Variants in FBXL17 observed in about 807,000 individuals in gnomAD.
The protein encoded by FBXL17 is F-box and leucine rich repeat protein 17, also known as F-box/LRR-repeat protein 17.
FBXL17 carries 22 observed loss-of-function variants against 66.2 expected under a neutral mutation model. The observed-to-expected ratio is 0.33, with a 90% CI of 0.24 to 0.47. The LOEUF is 0.47. Among genes scored for constraint, FBXL17 ranks in the 20% least tolerant of loss-of-function variants. The probability of loss-of-function intolerance (pLI) is 1.00; values close to 1 mark genes in which losing one functional copy is unlikely to be tolerated. For synonymous variants in FBXL17, 474 were observed against 400.5 expected (o/e 1.18, Z -2.19); for missense variants, 878 against 948.2 (o/e 0.93, Z 0.97).
At chr5:108,379,713 G>A (rs2112662769) in intron 1 of FBXL17, among the ~76,000 whole-genome samples, 1 of 152,266 alleles carries the variant, frequency 6.6e-6, no homozygotes, top group South Asian at 2.1e-4. Context: ...TCCAAATAGG[G>A]TAGGGTGGGA....
intron 4 of FBXL17, among the ~76,000 whole-genome samples, chr5:108,318,279 T>G (rs1180451745): frequency 6.6e-6 from 1 of 151,758 alleles, no homozygotes; most frequent in Non-Finnish European, 1.5e-5. Context: ...CCTTATGCAT[T>G]TGTTTTTTAC....
chr5:108,258,773 G>A (rs886579690), intron 4 of FBXL17, among the ~76,000 whole-genome samples: 3 of 144,484 alleles, frequency 2.1e-5, no homozygotes, highest in Middle Eastern at 3.4e-3. Flanking sequence ...AACACTCTAG[G>A]ATCTTACAAT....
intron 6 of FBXL17, among the ~76,000 whole-genome samples, chr5:108,152,725 T>C (rs1751819331): frequency 6.6e-6 from 1 of 152,150 alleles, no homozygotes; most frequent in African/African-American, 2.4e-5. Context: ...ATCCTTCTGT[T>C]GAGAGGCATG....
chr5:107,963,284 A>C (rs1457598806), intron 7 of FBXL17, among the ~76,000 whole-genome samples: 1 of 152,142 alleles, frequency 6.6e-6, no homozygotes, highest in Non-Finnish European at 1.5e-5. Context: ...TGTTGTTAGC[A>C]CTGATGAATA....
intron 6 of FBXL17, among the ~76,000 whole-genome samples, chr5:108,042,189 T>C (rs1561381870): frequency 6.6e-6 from 1 of 152,230 alleles, no homozygotes; most frequent in Non-Finnish European, 1.5e-5. Flanking sequence ...CCACCGCTCC[T>C]GGCCTTCAGT....
chr5:108,235,548 CTCA>C (rs1382536943), intron 4 of FBXL17, among the ~76,000 whole-genome samples: 1 of 152,220 alleles, frequency 6.6e-6, no homozygotes, highest in East Asian at 1.9e-4. Context: ...CTATTTTCCA[CTCA>C]TCAAGTCAGA....
At chr5:108,097,567 G>C (rs1428963527) in intron 6 of FBXL17, among the ~76,000 whole-genome samples, 1 of 151,924 alleles carries the variant, frequency 6.6e-6, no homozygotes, top group Non-Finnish European at 1.5e-5. Context: ...GGGGTGGGCA[G>C]ATCACGAGGT....
At chr5:108,055,536 G>A (rs1731958276) in intron 6 of FBXL17, among the ~76,000 whole-genome samples, 2 of 147,134 alleles carry the variant, frequency 1.4e-5, no homozygotes, top group South Asian at 2.2e-4. Context: ...GTGAACCCGG[G>A]AGGTGGAGCT....
chr5:108,027,097 A>G (rs1166354989), intron 6 of FBXL17, among the ~76,000 whole-genome samples: 14 of 152,172 alleles, frequency 9.2e-5, no homozygotes, highest in Non-Finnish European at 1.5e-5. Context: ...TTTTTCATAT[A>G]TTTAGGAATG....
intron 7 of FBXL17, among the ~76,000 whole-genome samples, chr5:107,885,039 A>C (rs911414148): frequency 1.3e-5 from 2 of 152,182 alleles, no homozygotes; most frequent in African/African-American, 4.8e-5. Context: ...GTGATCATAA[A>C]CTTCTAGTCT....
chr5:108,007,266 A>T (rs746578926), intron 7 of FBXL17, among the ~76,000 whole-genome samples: 1 of 152,174 alleles, frequency 6.6e-6, no homozygotes, highest in Non-Finnish European at 1.5e-5. Context: ...TAGTGAGAAT[A>T]ACTTGGCTCT....
At chr5:108,230,718 G>T (rs1009414487) in intron 4 of FBXL17, among the ~76,000 whole-genome samples, 3 of 96,588 alleles carry the variant, frequency 3.1e-5, no homozygotes, top group African/African-American at 1.3e-4. Context: ...GAAACCTATG[G>T]AAATAAATTT....
At chr5:108,132,792 G>A (rs1426598300) in intron 6 of FBXL17, among the ~76,000 whole-genome samples, 1 of 152,150 alleles carries the variant, frequency 6.6e-6, no homozygotes, top group Non-Finnish European at 1.5e-5. Flanking sequence ...AGGTCAGGCT[G>A]TGAAAACATC....
intron 4 of FBXL17, among the ~76,000 whole-genome samples, chr5:108,284,821 T>C (rs528183960): frequency 6.6e-6 from 1 of 152,020 alleles, no homozygotes; most frequent in African/African-American, 2.4e-5. Flanking sequence ...GGGTAGTGGC[T>C]GCTGAAGCTT....
At chr5:108,162,866 T>A (rs547642613) in intron 6 of FBXL17, among the ~76,000 whole-genome samples, 1 of 152,314 alleles carries the variant, frequency 6.6e-6, no homozygotes, top group South Asian at 2.1e-4. Context: ...TCTGTATTGA[T>A]GTGCAGAGAG....
At chr5:108,113,017 A>G (rs1316131441) in intron 6 of FBXL17, among the ~76,000 whole-genome samples, 2 of 152,152 alleles carry the variant, frequency 1.3e-5, no homozygotes, top group African/African-American at 4.8e-5. Context: ...CCATTTACAG[A>G]CAGAAAGTCA....
intron 4 of FBXL17, among the ~76,000 whole-genome samples, chr5:108,275,432 G>A (rs1245309381): frequency 6.6e-6 from 1 of 152,210 alleles, no homozygotes; most frequent in East Asian, 1.9e-4. Context: ...TGCTAAGCAT[G>A]CTATGACTTA....
At chr5:108,160,241 G>C (rs1251210295) in intron 6 of FBXL17, among the ~76,000 whole-genome samples, 1 of 152,142 alleles carries the variant, frequency 6.6e-6, no homozygotes, top group Non-Finnish European at 1.5e-5. Context: ...GCTTTTAATA[G>C]GGTAAGTGTA....
At chr5:107,990,828 A>G (rs544812442) in intron 7 of FBXL17, among the ~76,000 whole-genome samples, 1 of 152,282 alleles carries the variant, frequency 6.6e-6, no homozygotes, top group Non-Finnish European at 1.5e-5. Context: ...TTGTGTATGT[A>G]TCTTCTCAGA....
Sources: gnomAD v4.1 joint callset for allele counts (sites outside exome capture counted in the v4.1 genomes callset) on GRCh38, gnomAD v4.1.1 for gene constraint, MANE v1.5 for transcripts, NCBI Gene and HGNC (gene_info 2026-07-23, HGNC 2026-07-21) for gene names.